DHX9: variants seen among roughly 807,000 people sequenced by gnomAD.
DHX9 encodes ATP-dependent RNA helicase A.
DHX9 carries 27 observed loss-of-function variants against 148.7 expected under a neutral mutation model. The observed-to-expected ratio is 0.18, with a 90% CI of 0.13 to 0.25. The LOEUF (loss-of-function observed/expected upper bound fraction) is 0.25, where lower values mean the gene tolerates loss of function less well. DHX9 is among the 10% of genes least tolerant of loss of function. DHX9 has a pLI of 1.00. For missense variants in DHX9, 796 were observed against 1,559.6 expected (o/e 0.51, Z 8.25); for synonymous variants, 529 against 516.6 (o/e 1.02, Z -0.33).
chr1:182,880,382 T>G (rs1649033067), intron 21 of DHX9, 115 bp from the exon 22 acceptor site: 1 of 607,330 alleles, frequency 1.6e-6, no homozygotes, highest in Non-Finnish European at 2.9e-6. Context: ...GTATTAGCGA[T>G]TGGCTTGACA....
intron 18 of DHX9, 57 bp from the exon 19 acceptor site, chr1:182,876,773 T>C (rs935110613): frequency 1.3e-5 from 17 of 1,327,900 alleles, no homozygotes; most frequent in Admixed American, 9.2e-5. Flanking sequence ...AGCAAATCAG[T>C]CCTTTTAAGT....
intron 16 of DHX9, among the ~76,000 whole-genome samples, chr1:182,875,477 G>A (rs1398168186): frequency 6.6e-6 from 1 of 152,162 alleles, no homozygotes; most frequent in Non-Finnish European, 1.5e-5. Context: ...GGAGCAATGA[G>A]GGATTTCCTA....
intron 3 of DHX9, among the ~76,000 whole-genome samples, chr1:182,851,935 G>A (rs1408371404): frequency 1.3e-5 from 2 of 152,120 alleles, no homozygotes; most frequent in Admixed American, 6.5e-5. Context: ...CTAAAAATGA[G>A]CCCCAGAGCA....
intron 17 of DHX9, 73 bp from the exon 18 acceptor site, chr1:182,876,374 A>G: frequency 6.4e-7 from 1 of 1,560,376 alleles, no homozygotes; most frequent in Non-Finnish European, 8.8e-7. Flanking sequence ...TTCGAATAAA[A>G]ATATGTATAA....
chr1:182,887,573 A>AG lies in DHX9; in HGVS notation c.*141dup. On this transcript the variant is annotated 3_prime_UTR_variant, in exon 28 of 28. Transcript: ENST00000367549. ...CCATTCTGTGGTTCATTGTAGTTTA[A>AG]GGAAACCAAGCATATAGATGCATTA... The AG allele has an allele frequency of 1.4e-6, 1 of 729,900 alleles. No individual in the cohort carries two copies. Among genetic ancestry groups the AG allele is most frequent in the South Asian group, 2.0e-5 (1 of 49,856 alleles). 45.2% of individuals were successfully genotyped at this position (729,900 alleles called of 1,614,324 possible). A position where few individuals can be genotyped will look rare whatever the true frequency, so the allele number is the denominator to read the frequency against.
At chr1:182,845,870 G>A (rs932529678) in intron 3 of DHX9, among the ~76,000 whole-genome samples, 7 of 152,198 alleles carry the variant, frequency 4.6e-5, no homozygotes, top group African/African-American at 2.4e-5. Context: ...AGGCAGCAGG[G>A]AGCTCCCATG....
At chr1:182,860,866 G>T (rs1350879465) in intron 12 of DHX9, among the ~76,000 whole-genome samples, 1 of 152,164 alleles carries the variant, frequency 6.6e-6, no homozygotes, top group Non-Finnish European at 1.5e-5. Flanking sequence ...AAACAGTTCC[G>T]TTGGCTCTAC....
chr1:182,883,072 A>G, intron 24 of DHX9, 67 bp from the exon 25 acceptor site: 1 of 1,031,866 alleles, frequency 9.7e-7, no homozygotes, highest in East Asian at 2.4e-5. Context: ...TATCTTAAAT[A>G]GTTTGCATGT....
At chr1:182,865,885 C>T (rs1324454916) in intron 12 of DHX9, among the ~76,000 whole-genome samples, 2 of 152,152 alleles carry the variant, frequency 1.3e-5, no homozygotes, top group African/African-American at 4.8e-5. Flanking sequence ...ATAGCATTCC[C>T]CTTAGAGTTT....
chr1:182,876,718 C>G (rs1648820905), intron 18 of DHX9, 112 bp from the exon 19 acceptor site: 4 of 936,672 alleles, frequency 4.3e-6, no homozygotes, highest in South Asian at 1.6e-5. Flanking sequence ...ATTGGGTGAT[C>G]TTTTTAGGAC....
intron 22 of DHX9, 25 bp from the exon 23 acceptor site, chr1:182,881,239 A>G (rs769895371): frequency 6.2e-7 from 1 of 1,605,106 alleles, no homozygotes. Flanking sequence ...TCTAGTCTGG[A>G]TTTAACTGTC....
intron 16 of DHX9, chr1:182,875,326 A>G: frequency 2.5e-6 from 1 of 395,582 alleles, no homozygotes; most frequent in Non-Finnish European, 5.0e-6. Context: ...GCCCCACCCT[A>G]GATCTACTGA....
At chr1:182,863,075 A>T (rs1437637252) in intron 12 of DHX9, among the ~76,000 whole-genome samples, 1 of 152,234 alleles carries the variant, frequency 6.6e-6, no homozygotes, top group East Asian at 1.9e-4. Context: ...TCTGGAGGAC[A>T]GTTGGAACTA....
chr1:182,883,288 A>G lies in DHX9; in HGVS notation c.3064A>G (p.Ile1022Val). Residue 1022 changes from isoleucine to valine, a missense_variant, in exon 25 of 28, where the codon ATC becomes GTC. Coordinates refer to ENST00000367549, the MANE Select transcript of DHX9 (RefSeq NM_001357.5). ...CACCACTGAAGGGCGTAATGCACTT[A>G]TCCACAAATCATCTGTTAATTGTCC... ...ILTTEGRNAL[I>V]HKSSVNCPFS... 6.2e-7 allele frequency: 1 copy of G among 1,614,208 alleles called. No homozygotes were observed. Among genetic ancestry groups the G allele is most frequent in the Non-Finnish European group, 8.5e-7 (1 of 1,180,020 alleles).
At chr1:182,879,506 G>C in intron 21 of DHX9, 96 bp downstream of exon 21, 4 of 1,202,626 alleles carry the variant, frequency 3.3e-6, no homozygotes, top group Non-Finnish European at 4.4e-6. Context: ...AGATGATGAA[G>C]ATGTAGTCAA....
At chr1:182,846,105 C>G (rs183563418) in intron 3 of DHX9, among the ~76,000 whole-genome samples, 1 of 152,310 alleles carries the variant, frequency 6.6e-6, no homozygotes, top group African/African-American at 2.4e-5. Flanking sequence ...GGTGACCATC[C>G]CCCCACACCT....
At chr1:182,840,224 A>G (rs1667895624) in intron 1 of DHX9, among the ~76,000 whole-genome samples, 1 of 148,776 alleles carries the variant, frequency 6.7e-6, no homozygotes, top group Non-Finnish European at 1.5e-5. Flanking sequence ...TAGGGGACGT[A>G]TTTTGAAGCA....
At chr1:182,875,679 C>T (rs1648730624) in intron 16 of DHX9, among the ~76,000 whole-genome samples, 2 of 152,092 alleles carry the variant, frequency 1.3e-5, no homozygotes, top group Admixed American at 6.6e-5. Flanking sequence ...TAGAAAAAGA[C>T]CAATTGCAAC....
chr1:182,883,477 T>G, intron 25 of DHX9, 43 bp from the exon 26 acceptor site: 1 of 1,590,278 alleles, frequency 6.3e-7, no homozygotes, highest in Non-Finnish European at 8.6e-7. Flanking sequence ...ATTTGGAAGT[T>G]GGAATGTCAA....
Sources: allele counts gnomAD v4.1 joint callset (sites outside exome capture counted in the v4.1 genomes callset), GRCh38; gene constraint gnomAD v4.1.1; transcripts MANE v1.5; gene names NCBI Gene and HGNC (gene_info 2026-07-23, HGNC 2026-07-21).